CTIF: variants seen among roughly 807,000 people sequenced by gnomAD.
The protein encoded by CTIF is CBP80/20-dependent translation initiation factor.
In CTIF, 21 loss-of-function variants were observed where a neutral mutation model predicts 66.0. The observed-to-expected ratio is 0.32, with a 90% CI of 0.23 to 0.46. CTIF has a LOEUF of 0.46. CTIF is among the 20% of genes least tolerant of loss of function. The pLI is 1.00. For synonymous variants in CTIF, 345 were observed against 326.4 expected, an observed-to-expected ratio of 1.06 and a Z score of -0.62; for missense variants, 739 against 812.7, an observed-to-expected ratio of 0.91 and a Z score of 1.10.
intron 11 of CTIF, among the ~76,000 whole-genome samples, chr18:48,858,323 G>A (rs1599178210): frequency 6.6e-6 from 1 of 152,262 alleles, no homozygotes; most frequent in South Asian, 2.1e-4. Flanking sequence ...GGAGCCAGAT[G>A]GCAGTCTTGG....
chr18:48,746,962 T>C (rs1907276437), intron 7 of CTIF, among the ~76,000 whole-genome samples: 1 of 152,080 alleles, frequency 6.6e-6, no homozygotes, highest in Non-Finnish European at 1.5e-5. Context: ...AGACCCCATG[T>C]CTCGCCACAT....
At chr18:48,582,222 C>T (rs527945228) in intron 1 of CTIF, among the ~76,000 whole-genome samples, 1 of 151,998 alleles carries the variant, frequency 6.6e-6, no homozygotes, top group African/African-American at 2.4e-5. Context: ...GGGTCCTGGG[C>T]CGGAGAGTAG....
intron 1 of CTIF, among the ~76,000 whole-genome samples, chr18:48,596,463 T>C (rs888355662): frequency 6.6e-6 from 1 of 151,102 alleles, no homozygotes; most frequent in African/African-American, 2.4e-5. Context: ...CTTTTCCTTT[T>C]CTTTTCTTTC....
chr18:48,851,803 G>C (rs967907318), intron 10 of CTIF, among the ~76,000 whole-genome samples: 4 of 152,136 alleles, frequency 2.6e-5, no homozygotes, highest in African/African-American at 7.2e-5. Context: ...CACCCACTCT[G>C]TCTGGAGTTT....
At chr18:48,823,025 A>G (rs565240345) in intron 10 of CTIF, among the ~76,000 whole-genome samples, 15 of 152,194 alleles carry the variant, frequency 9.9e-5, no homozygotes, top group African/African-American at 3.4e-4. Context: ...GTTTTTTGCC[A>G]TTGAGTTTTA....
intron 10 of CTIF, among the ~76,000 whole-genome samples, chr18:48,843,965 T>A (rs2069010421): frequency 1.3e-5 from 2 of 152,148 alleles, no homozygotes. Flanking sequence ...CTAACTCAGA[T>A]CATCTGGTAG....
At chr18:48,542,948 C>A (rs1045342845) in intron 1 of CTIF, among the ~76,000 whole-genome samples, 7 of 152,244 alleles carry the variant, frequency 4.6e-5, no homozygotes, top group Non-Finnish European at 5.9e-5. Context: ...CGTGGTCCCG[C>A]CCCAGCTCAG....
At chr18:48,756,823 C>A (rs1908412402) in intron 7 of CTIF, among the ~76,000 whole-genome samples, 1 of 152,230 alleles carries the variant, frequency 6.6e-6, no homozygotes. Context: ...GTTCCTGCTG[C>A]ACAACTCACA....
intron 6 of CTIF, among the ~76,000 whole-genome samples, chr18:48,675,760 G>A (rs991087008): frequency 3.5e-4 from 54 of 152,298 alleles, no homozygotes; most frequent in African/African-American, 1.2e-3. Context: ...GCAGCAGCAC[G>A]GGGCTGCAGG....
intron 7 of CTIF, among the ~76,000 whole-genome samples, chr18:48,727,080 A>ACACG (rs1256549274): frequency 6.7e-6 from 1 of 149,608 alleles, no homozygotes; most frequent in African/African-American, 2.5e-5. Flanking sequence ...GCACACACAC[A>ACACG]CACACACACA....
At chr18:48,573,363 CCT>C (rs1320773737) in intron 1 of CTIF, among the ~76,000 whole-genome samples, 2 of 152,128 alleles carry the variant, frequency 1.3e-5, no homozygotes, top group Non-Finnish European at 2.9e-5. Context: ...CCTGCCTGGC[CCT>C]GTGTCCTCCA....
intron 5 of CTIF, 100 bp from the exon 6 acceptor site, chr18:48,670,569 C>G: frequency 9.4e-7 from 1 of 1,063,442 alleles, no homozygotes; most frequent in Non-Finnish European, 1.5e-6. Context: ...GTGGGCAGCA[C>G]CAGGTATCTG....
chr18:48,669,137 G>A (rs983935705), intron 5 of CTIF, among the ~76,000 whole-genome samples: 6 of 151,672 alleles, frequency 4.0e-5, no homozygotes, highest in Admixed American at 1.3e-4. Flanking sequence ...TGTTAGAGGA[G>A]TTTAGGATTT....
At chr18:48,645,268 T>G (rs564854047) in intron 3 of CTIF, among the ~76,000 whole-genome samples, 1 of 16,464 alleles carries the variant, frequency 6.1e-5, no homozygotes, top group African/African-American at 2.0e-4. Context: ...GAAATGCTAA[T>G]GGACACAGGC....
Position 48,539,228 on chromosome 18 carries a change from G to C in CTIF, c.-113G>C, listed in dbSNP as rs1410195537. 12 of 150,968 alleles carry C rather than the reference G, an allele frequency of 7.9e-5. No individual in the cohort carries two copies. Among genetic ancestry groups the C allele is most frequent in the African/African-American group, 2.9e-4 (12 of 41,002 alleles). The allele number at this position is 150,968 out of a possible 1,614,324, so 9.4% of individuals were successfully genotyped here. On this transcript the variant is annotated 5_prime_UTR_variant, in exon 1 of 12. Coordinates refer to ENST00000256413, the MANE Select transcript of CTIF (RefSeq NM_014772.3). Reference sequence around the variant, plus strand: ...AACTCGAGGCAGGAGTCGGCTCTCCGGAGCCTCGTCCCTCCCTTCCCCTTC... The same window carrying C: ...AACTCGAGGCAGGAGTCGGCTCTCCCGAGCCTCGTCCCTCCCTTCCCCTTC...
intron 3 of CTIF, among the ~76,000 whole-genome samples, chr18:48,641,826 CT>C (rs2090939004): frequency 6.6e-6 from 1 of 152,208 alleles, no homozygotes; most frequent in Admixed American, 6.5e-5. Context: ...TCCCCATCCC[CT>C]GATACCTTTG....
At chr18:48,730,311 G>C (rs1182785838) in intron 7 of CTIF, among the ~76,000 whole-genome samples, 15 of 138,232 alleles carry the variant, frequency 1.1e-4, no homozygotes, top group East Asian at 2.7e-4. Flanking sequence ...GGTGTGAGGG[G>C]CTTCTGCGGT....
At chr18:48,685,703 G>C (rs542114481) in intron 6 of CTIF, among the ~76,000 whole-genome samples, 1 of 151,902 alleles carries the variant, frequency 6.6e-6, no homozygotes, top group African/African-American at 2.4e-5. Flanking sequence ...TTGAGACAGA[G>C]TCATGCTCTG....
chr18:48,753,576 G>T (rs73956023), intron 7 of CTIF, among the ~76,000 whole-genome samples: 4,424 of 151,390 alleles, frequency 0.029, 94 homozygotes, highest in Non-Finnish European at 0.041. Flanking sequence ...GATGGAAAAA[G>T]CATAAACCGA....
Sources: allele counts gnomAD v4.1 joint callset (sites outside exome capture counted in the v4.1 genomes callset), GRCh38; gene constraint gnomAD v4.1.1; transcripts MANE v1.5; gene names NCBI Gene and HGNC (gene_info 2026-07-23, HGNC 2026-07-21).